Variants in DDX50 observed in about 807,000 individuals in gnomAD.
DDX50 encodes ATP-dependent RNA helicase DDX50.
Under a neutral mutation model 94.8 loss-of-function variants are expected in DDX50, and 56 were observed. That is an observed-to-expected ratio of 0.59 (90% CI 0.48 to 0.74). The LOEUF (loss-of-function observed/expected upper bound fraction) is 0.74, where lower values mean the gene tolerates loss of function less well. Among genes scored for constraint, DDX50 ranks in the 30% least tolerant of loss-of-function variants. DDX50 has a pLI of 0.00. For missense variants in DDX50, 713 were observed against 881.2 expected (o/e 0.81, Z 2.42); for synonymous variants, 264 against 295.4 (o/e 0.89, Z 1.09).
At chr10:68,924,440 C>A (rs1842024608) in intron 8 of DDX50, among the ~76,000 whole-genome samples, 1 of 152,192 alleles carries the variant, frequency 6.6e-6, no homozygotes, top group Admixed American at 6.6e-5. Flanking sequence ...TGCCACTGTT[C>A]CCAGCTTATT....
intron 7 of DDX50, among the ~76,000 whole-genome samples, chr10:68,916,042 G>A (rs146353572): frequency 1.3e-3 from 198 of 152,136 alleles, no homozygotes; most frequent in African/African-American, 4.6e-3. Context: ...TTCTGGGAAG[G>A]GGCATGCTGG....
intron 8 of DDX50, among the ~76,000 whole-genome samples, chr10:68,924,118 G>A (rs991975805): frequency 6.7e-5 from 10 of 149,854 alleles, no homozygotes; most frequent in African/African-American, 1.5e-4. Flanking sequence ...GATTATAGTC[G>A]GTGGCACCAC....
chr10:68,921,350 T>C lies in DDX50; in HGVS notation c.1239+1369T>C, dbSNP rs1057095347. On this transcript the variant is annotated intron_variant, in intron 8 of 14. Transcript: ENST00000373585. The stretch of plus-strand genomic sequence containing the variant: ...TTACATTGTGTGATTATTAAGTTGC[T>C]TTTAATATATGGATTACTCCTTTAT... Among the ~76,000 whole-genome samples, 12 of 152,356 alleles carry C rather than the reference T, an allele frequency of 7.9e-5. No individual in the cohort carries two copies. In the South Asian group the frequency reaches 2.1e-3, roughly 26 times the overall value.
rs750340837 is a variant in DDX50, at chr10:68,906,682, C to G, written c.88-29C>G. On this transcript the variant is annotated intron_variant, in intron 1 of 14. Transcript: ENST00000373585. ...GTCTTAAAAGAAAACCTCTGACCAT[C>G]TTGTCATTGCTTCTTTGTTTGTTCA... 6 of 1,592,024 alleles carry G rather than the reference C, an allele frequency of 3.8e-6. No homozygotes were observed. The South Asian group carries it at 7.0e-5, about 18-fold the overall frequency.
intron 13 of DDX50, among the ~76,000 whole-genome samples, chr10:68,942,165 T>G (rs1842568887): frequency 6.6e-6 from 1 of 152,158 alleles, no homozygotes; most frequent in African/African-American, 2.4e-5. Context: ...GACATGCAGT[T>G]TGGTTTTTAA....
At position 68,911,069 on chromosome 10, in the gene DDX50, T is replaced by A; in HGVS notation, c.462T>A (p.Gly154=). The change falls in exon 4 of 15, where the codon GGT becomes GGA. Residue 154 remains glycine (G), a splice_region_variant and synonymous_variant. Coordinates refer to ENST00000373585, the MANE Select transcript of DDX50 (RefSeq NM_024045.2). ...TTTTAATTAAATCTCATTTTACAGGTCGAGGGGTAACATATCTCTTTCCTA... is the reference window on the plus strand; with the variant it reads ...TTTTAATTAAATCTCATTTTACAGGACGAGGGGTAACATATCTCTTTCCTA... ...ISEETIKLLK[G]RGVTYLFPIQ... 1 of 1,531,720 alleles carries A rather than the reference T, an allele frequency of 6.5e-7. No individual in the cohort carries two copies. Among genetic ancestry groups the A allele is most frequent in the Non-Finnish European group, 8.7e-7 (1 of 1,143,390 alleles). 94.9% of individuals were successfully genotyped at this position (1,531,720 alleles called of 1,614,324 possible). A position where few individuals can be genotyped will look rare whatever the true frequency, so the allele number is the denominator to read the frequency against.
intron 4 of DDX50, among the ~76,000 whole-genome samples, chr10:68,912,247 T>G (rs1246279524): frequency 1.3e-5 from 2 of 152,178 alleles, no homozygotes; most frequent in African/African-American, 4.8e-5. Flanking sequence ...GGTCTCTCTC[T>G]GTTGCCCAGG....
chr10:68,903,759 C>T (rs1841359724), intron 1 of DDX50, among the ~76,000 whole-genome samples: 1 of 151,134 alleles, frequency 6.6e-6, no homozygotes, highest in South Asian at 2.1e-4. Context: ...TGAAATCGCA[C>T]CACTGCACTG....
chr10:68,905,332 A>G (rs1263428799), intron 1 of DDX50, among the ~76,000 whole-genome samples: 1 of 151,490 alleles, frequency 6.6e-6, no homozygotes, highest in Non-Finnish European at 1.5e-5. Flanking sequence ...TTTTAAAAAA[A>G]TTAACTGAAT....
intron 1 of DDX50, among the ~76,000 whole-genome samples, chr10:68,902,244 GA>G (rs1841314071): frequency 6.7e-6 from 1 of 149,202 alleles, no homozygotes; most frequent in Non-Finnish European, 1.5e-5. Flanking sequence ...ACACTCAGAG[GA>G]TCACAAGGTG....
intron 6 of DDX50, 43 bp downstream of exon 6, chr10:68,913,619 G>T (rs749498442): frequency 1.9e-6 from 3 of 1,541,724 alleles, no homozygotes; most frequent in Middle Eastern, 1.7e-4. Flanking sequence ...ATTATTGTTC[G>T]ATCTTAAATG....
Position 68,919,949 on chromosome 10 carries a change from A to G in DDX50, c.1207A>G (p.Thr403Ala). ...TTTCTGTGAGACCAAGAAGAATGTA[A>G]CTGAAATGGCCATGAATCCACACAT... ...IIFCETKKNV[T>A]EMAMNPHIKQ... The change falls in exon 8 of 15, where the codon ACT becomes GCT. Residue 403 changes from threonine (T) to alanine (A), a missense_variant. By Grantham distance (58) the Thr-to-Ala change is moderately conservative. Transcript: ENST00000373585. 1.2e-6 allele frequency: 2 copies of G among 1,614,208 alleles called. No homozygotes were observed. The highest frequency in any genetic ancestry group is 1.7e-6 in the Non-Finnish European group (2 of 1,180,030).
chr10:68,904,544 T>C (rs574058196), intron 1 of DDX50, among the ~76,000 whole-genome samples: 3 of 152,144 alleles, frequency 2.0e-5, no homozygotes, highest in African/African-American at 4.8e-5. Context: ...GAAGAAGATA[T>C]GTGGTAGAGG....
chr10:68,912,539 T>C (rs973590247), intron 4 of DDX50, among the ~76,000 whole-genome samples: 4 of 152,178 alleles, frequency 2.6e-5, no homozygotes, highest in African/African-American at 9.6e-5. Flanking sequence ...AAAGCTTTTG[T>C]ATTAGAAAGA....
rs74139941 is a variant in DDX50 at position 68,934,156 on chromosome 10, A to G, written c.1240-43A>G. 2.1e-4 allele frequency: 333 copies of G among 1,582,640 alleles called. No individual in the cohort carries two copies. In the African/African-American group the frequency reaches 3.5e-3, roughly 17 times the overall value. The stretch of plus-strand genomic sequence containing the variant: ...AGATGTTGTTGTGCTATCAGTTGCA[A>G]GTATGAGCTGTACACTTAATTTTCT... On this transcript the variant is annotated intron_variant, in intron 8 of 14. Transcript: ENST00000373585. The surrounding 1 kb of genome is among the most constrained non-coding windows in gnomAD (Gnocchi z 4.0).
chr10:68,931,428 CACAA>C (rs1368005682), intron 8 of DDX50, among the ~76,000 whole-genome samples: 12 of 101,836 alleles, frequency 1.2e-4, no homozygotes, highest in Admixed American at 5.8e-4. Flanking sequence ...TATATATATA[CACAA>C]ACACACACAC....
In DDX50 at chr10:68,934,227, C is replaced by T. The variant is rs761291219; in HGVS notation, c.1268C>T (p.Ala423Val). 2.4e-5 allele frequency: 38 copies of T among 1,611,794 alleles called. No homozygotes were observed. In the South Asian group the frequency reaches 4.1e-4, roughly 17 times the overall value. ...QNAQCLHGDI[A>V]QSQREITLKG... ...GCCCAGTGTTTACATGGGGACATTG[C>T]ACAGTCACAAAGAGAAATTACACTA... The change falls in exon 9 of 15, where the codon GCA becomes GTA. Residue 423 changes from alanine to valine, a missense_variant. Ala to Val is a moderately conservative substitution (Grantham distance 64). This residue lies in a region of DDX50 where 428 missense variants were observed against 602.3 expected (regional missense o/e 0.71). Coordinates refer to ENST00000373585, the MANE Select transcript of DDX50 (RefSeq NM_024045.2). The surrounding 1 kb of genome is among the most constrained non-coding windows in gnomAD (Gnocchi z 4.0).
At chr10:68,930,817 C>A (rs1360443347) in intron 8 of DDX50, among the ~76,000 whole-genome samples, 2 of 152,186 alleles carry the variant, frequency 1.3e-5, no homozygotes, top group East Asian at 3.9e-4. Context: ...CTACAGCTGG[C>A]TAACTTTTTA....
In DDX50 at chr10:68,913,919, T is replaced by C. The variant is rs1391105430; in HGVS notation, c.944-140T>C. ...TTTTGCAAGTTGAAAGTTTTAATAA[T>C]TGCAATGAAGTCTGTGTGTTAAAAA... On this transcript the variant is annotated intron_variant, in intron 6 of 14. Coordinates refer to ENST00000373585, the MANE Select transcript of DDX50 (RefSeq NM_024045.2). 4 of 828,616 alleles carry C rather than the reference T, an allele frequency of 4.8e-6. No individual in the cohort carries two copies. In the African/African-American group the frequency reaches 7.2e-5, roughly 15 times the overall value. 51.3% of individuals were successfully genotyped at this position (828,616 alleles called of 1,614,324 possible).
Sources: allele counts gnomAD v4.1 joint callset (sites outside exome capture counted in the v4.1 genomes callset), GRCh38; gene constraint gnomAD v4.1.1; regional missense constraint gnomAD v4.1.1; non-coding constraint Gnocchi (gnomAD v3.1); transcripts MANE v1.5; gene names NCBI Gene and HGNC (gene_info 2026-07-23, HGNC 2026-07-21).